The following ADRM1 variants were observed in gnomAD, a reference collection of about 807,000 sequenced individuals.
The protein encoded by ADRM1 is ADRM1 26S proteasome ubiquitin receptor.
ADRM1 carries 2 observed loss-of-function variants against 40.1 expected under a neutral mutation model. The ratio of observed to expected loss-of-function variants is 0.05; its 90% CI spans 0.02 to 0.16. The LOEUF is 0.16. ADRM1 is among the 10% of genes least tolerant of loss of function. The pLI is 1.00. For missense variants in ADRM1, 467 were observed against 552.5 expected (o/e 0.85, Z 1.55); for synonymous variants, 287 against 240.4 (o/e 1.19, Z -1.79).
chr20:62,308,345 C>G, intron 8 of ADRM1, 23 bp from the exon 9 acceptor site: 2 of 1,580,188 alleles, frequency 1.3e-6, no homozygotes, highest in Non-Finnish European at 1.7e-6. Context: ...TGGAGCTCAG[C>G]CCTCGCCTGG....
chr20:62,304,327 C>G (rs1984571552), intron 2 of ADRM1, 134 bp from the exon 3 acceptor site: 2 of 680,388 alleles, frequency 2.9e-6, no homozygotes, highest in African/African-American at 1.8e-5. Context: ...GAGACCCTGC[C>G]AGCGAGGGGT....
intron 4 of ADRM1, 87 bp from the exon 5 acceptor site, chr20:62,306,561 G>T: frequency 7.2e-7 from 1 of 1,397,132 alleles, no homozygotes; most frequent in Non-Finnish European, 9.8e-7. Flanking sequence ...GCAGCCGAGT[G>T]CGGTGCTCAG....
intron 2 of ADRM1, 106 bp downstream of exon 2, chr20:62,303,887 G>A (rs1984495032): frequency 2.6e-6 from 3 of 1,149,662 alleles, no homozygotes; most frequent in African/African-American, 1.5e-5. Context: ...GGGACCGCTC[G>A]TGGGGCCGTC....
Position 62,308,743 on chromosome 20 carries a change from G to C in ADRM1, c.1206G>C (p.Glu402Asp), listed in dbSNP as rs754647959. 6.2e-7 allele frequency: 1 copy of C among 1,609,636 alleles called. No homozygotes were observed. The highest frequency in any genetic ancestry group is 8.5e-7 in the Non-Finnish European group (1 of 1,177,026). The change falls in exon 10 of 10, where the codon GAG (glutamate) becomes GAC (aspartate). Residue 402 changes from glutamate (E) to aspartate (D), a missense_variant. Glu to Asp is a conservative substitution (Grantham distance 45). Around this residue, in one of 3 missense-constraint regions of ADRM1, gnomAD observed 418 missense variants for 474.6 expected, o/e 0.88. Transcript: ENST00000253003. ...CGAAGGACAAGAAGGACGAAGAGGA[G>C]GACATGAGCCTGGACTGAGCCACGC... ...GDTKDKKDEE[E>D]DMSLD
At chr20:62,307,950 C>T in intron 7 of ADRM1, 71 bp from the exon 8 acceptor site, 4 of 1,565,130 alleles carry the variant, frequency 2.6e-6, no homozygotes, top group Admixed American at 1.8e-5. Context: ...TGGGCTGAGT[C>T]CCTGCTTGCA....
At position 62,308,689 on chromosome 20, in the gene ADRM1, C is replaced by T. The variant is rs149761195; in HGVS notation, c.1152C>T (p.Asn384=). 2.1e-5 allele frequency: 34 copies of T among 1,613,018 alleles called. No individual in the cohort carries two copies. Among genetic ancestry groups the T allele is most frequent in the African/African-American group, 1.2e-4 (9 of 75,018 alleles). Residue 384 remains asparagine, a synonymous_variant, in exon 10 of 10, where the codon AAC becomes AAT. Coordinates refer to ENST00000253003, the MANE Select transcript of ADRM1 (RefSeq NM_007002.4). The stretch of plus-strand genomic sequence containing the variant: ...CGTTTGCCAAAGCCATGCAGAACAA[C>T]GCCAAGCCCGAGCAGAAAGAGGGCG... The part of the protein sequence containing the change: ...VEAFAKAMQN[N]AKPEQKEGDT...
At chr20:62,303,426 A>G in intron 1 of ADRM1, 142 bp from the exon 2 acceptor site, 1 of 837,522 alleles carries the variant, frequency 1.2e-6, no homozygotes, top group East Asian at 2.6e-5. Context: ...GCAAACGCGG[A>G]AAGGCAGCCC....
In ADRM1 at chr20:62,305,980, G is replaced by A. The variant is rs141363382; in HGVS notation, c.331-217G>A. The A allele has an allele frequency of 3.6e-3, 2,076 of 574,626 alleles. 38 individuals are homozygous for A. Among genetic ancestry groups the A allele is most frequent in the African/African-American group, 0.035 (1,858 of 53,464 alleles). The allele number at this position is 574,626 out of a possible 1,614,324, so 35.6% of individuals were successfully genotyped here. On this transcript the variant is annotated intron_variant, in intron 3 of 9. Transcript: ENST00000253003. ...GGGGACAGGGCACACCCGGGATTGCGGCGGATGGGGACAGGGCGCAGAGCA... is the reference window on the plus strand; with the variant it reads ...GGGGACAGGGCACACCCGGGATTGCAGCGGATGGGGACAGGGCGCAGAGCA...
chr20:62,307,794 G>C lies in ADRM1; in HGVS notation c.822G>C (p.Met274Ile). 3 of 1,610,448 alleles carry C rather than the reference G, an allele frequency of 1.9e-6. No homozygotes were observed. Among genetic ancestry groups the C allele is most frequent in the Non-Finnish European group, 2.5e-6 (3 of 1,179,204 alleles). The change falls in exon 7 of 10, where the codon ATG becomes ATC. Residue 274 changes from methionine to isoleucine, a missense_variant. Transcript: ENST00000253003. ...LSDLQSILAT[M>I]NVPAGPAGGQ... ...ACCTCCAGAGCATCCTGGCCACGATGAACGTACCAGCCGGGCCAGCAGGCG... is the reference window on the plus strand; with the variant it reads ...ACCTCCAGAGCATCCTGGCCACGATCAACGTACCAGCCGGGCCAGCAGGCG...
chr20:62,306,740 G>C lies in ADRM1; in HGVS notation c.541+6G>C. 6.2e-7 allele frequency: 1 copy of C among 1,600,040 alleles called. No homozygotes were observed. On this transcript the variant is annotated splice_donor_region_variant and intron_variant, in intron 5 of 9. Coordinates refer to ENST00000253003, the MANE Select transcript of ADRM1 (RefSeq NM_007002.4). ...AGCCGGCCTTGGAGGACTGGGTAAC[G>C]TGCGCCACCCGGGCTCTCGGGCAGC...
At chr20:62,307,490 G>GTTAA in intron 6 of ADRM1, 38 bp downstream of exon 6, 1 of 1,603,484 alleles carries the variant, frequency 6.2e-7, no homozygotes, top group South Asian at 1.1e-5. Flanking sequence ...GTGCCACGGT[G>GTTAA]TTAAGGGAGG....
At position 62,304,513 on chromosome 20, in the gene ADRM1, C is replaced by G. The variant is rs1360250730; in HGVS notation, c.266C>G (p.Pro89Arg). 6.2e-7 allele frequency: 1 copy of G among 1,613,964 alleles called. No individual in the cohort carries two copies. Among genetic ancestry groups the G allele is most frequent in the Admixed American group, 1.7e-5 (1 of 60,022 alleles). The change falls in exon 3 of 10, where the codon CCC becomes CGC. Residue 89 changes from proline to arginine, a missense_variant. By Grantham distance (103) the Pro-to-Arg change is moderately radical (BLOSUM62 -2). Around this residue, in one of 3 missense-constraint regions of ADRM1, gnomAD observed 418 missense variants for 474.6 expected, o/e 0.88. Transcript: ENST00000253003. ...DCEFKRVPQC[P>R]SGRVYVLKFK... ...GAGTTCAAGCGGGTGCCGCAGTGCCCCAGCGGGAGGGTCTACGTGCTGAAG... is the reference window on the plus strand; with the variant it reads ...GAGTTCAAGCGGGTGCCGCAGTGCCGCAGCGGGAGGGTCTACGTGCTGAAG...
Position 62,307,790 on chromosome 20 carries a change from C to T in ADRM1, c.818C>T (p.Thr273Met), listed in dbSNP as rs554858154. Residue 273 changes from threonine (T) to methionine (M), a missense_variant, in exon 7 of 10, where the codon ACG becomes ATG. Transcript: ENST00000253003. ...QLSDLQSILA[T>M]MNVPAGPAGG... The stretch of plus-strand genomic sequence containing the variant: ...AGCGACCTCCAGAGCATCCTGGCCA[C>T]GATGAACGTACCAGCCGGGCCAGCA... The T allele has an allele frequency of 1.3e-5, 21 of 1,610,808 alleles. No individual in the cohort carries two copies. Among genetic ancestry groups the T allele is most frequent in the East Asian group, 6.7e-5 (3 of 44,826 alleles).
chr20:62,304,228 C>T, intron 2 of ADRM1: 1 of 550,070 alleles, frequency 1.8e-6, no homozygotes, highest in South Asian at 2.1e-5. Context: ...TCAGAAACCC[C>T]GTTGCCATCT....
rs752526542 is a variant in ADRM1, at chr20:62,303,778, A to G, written c.210A>G (p.Glu70=). The part of the protein sequence containing the change: ...CWKDRTSGNV[E]DDLIIFPDDC... ...AGGACAGGACGTCCGGGAACGTGGA[A>G]GACGTGAGTGTCCCTGAGCCGCAGC... The change falls in exon 2 of 10, where the codon GAA becomes GAG. Residue 70 remains glutamate, a synonymous_variant. Transcript: ENST00000253003. 2.5e-6 allele frequency: 4 copies of G among 1,610,314 alleles called. No individual in the cohort carries two copies. Among genetic ancestry groups the G allele is most frequent in the Non-Finnish European group, 2.5e-6 (3 of 1,179,726 alleles).
chr20:62,308,436 G>T lies in ADRM1; in HGVS notation c.1083G>T (p.Leu361=). The T allele has an allele frequency of 6.2e-7, 1 of 1,609,100 alleles. No individual in the cohort carries two copies. Among genetic ancestry groups the T allele is most frequent in the South Asian group, 1.1e-5 (1 of 90,138 alleles). ...QLGPLMCQFG[L]PAEAVEAANK... ...GCCCCCTCATGTGCCAGTTCGGTCT[G>T]CCTGCAGAGGCTGTGGAGGCCGCCA... Residue 361 remains leucine, a synonymous_variant, in exon 9 of 10, where the codon CTG becomes CTT. Coordinates refer to ENST00000253003, the MANE Select transcript of ADRM1 (RefSeq NM_007002.4).
chr20:62,307,369 AGGTGGGCTG>A lies in ADRM1; in HGVS notation c.543_551del (p.Gly182_Gly184del), dbSNP rs776707369. ...GAGCTCGCATTTCCTTGCCCCTCGC[AGGTGGGCTG>A]GGGGCCCTGACTGGACCTGGCCTGG... On this transcript the variant is annotated splice_acceptor_variant and coding_sequence_variant, in exon 6 of 10. Transcript: ENST00000253003. LOFTEE classifies it high-confidence loss of function. The A allele has an allele frequency of 3.8e-6, 6 of 1,599,334 alleles. No homozygotes were observed. The South Asian group carries it at 6.7e-5, about 18-fold the overall frequency.
chr20:62,308,280 G>C (rs1985451650), intron 8 of ADRM1, 88 bp from the exon 9 acceptor site: 16 of 1,537,054 alleles, frequency 1.0e-5, no homozygotes, highest in Non-Finnish European at 1.3e-5. Flanking sequence ...TGCTTCATGT[G>C]CCTGACCCGC....
Position 62,304,583 on chromosome 20 carries a change from G to C in ADRM1, c.330+6G>C. ...GGCTTTTCTTCTGGATGCAGGTATG[G>C]GGCAGGCCTTGGGGTTGTGCCTTTT... On this transcript the variant is annotated splice_donor_region_variant and intron_variant, in intron 3 of 9. Coordinates refer to ENST00000253003, the MANE Select transcript of ADRM1 (RefSeq NM_007002.4). The C allele has an allele frequency of 6.2e-7, 1 of 1,613,200 alleles. No homozygotes were observed. The highest frequency in any genetic ancestry group is 1.3e-5 in the African/African-American group (1 of 75,036).
Sources: gnomAD v4.1 joint callset for allele counts on GRCh38, gnomAD v4.1.1 for gene constraint, gnomAD v4.1.1 regional missense constraint, MANE v1.5 for transcripts, NCBI Gene and HGNC (gene_info 2026-07-23, HGNC 2026-07-21) for gene names.